ZNF407: variants seen among roughly 807,000 people sequenced by gnomAD.
The protein encoded by ZNF407 is zinc finger protein 407.
Under a neutral mutation model 131.2 loss-of-function variants are expected in ZNF407, and 17 were observed. That is an observed-to-expected ratio of 0.13 (90% CI 0.09 to 0.19). The LOEUF is 0.19. ZNF407 is among the 10% of genes least tolerant of loss of function. ZNF407 has a pLI of 1.00. For missense variants in ZNF407, 2,681 were observed against 2,830.6 expected (o/e 0.95, Z 1.20); for synonymous variants, 1,156 against 1,062.0 (o/e 1.09, Z -1.72).
At chr18:74,749,805 C>T (rs931506200) in intron 3 of ZNF407, among the ~76,000 whole-genome samples, 25 of 151,946 alleles carry the variant, frequency 1.6e-4, no homozygotes, top group Admixed American at 4.6e-4. Context: ...AATAAAACTC[C>T]AAATAATAGA....
intron 8 of ZNF407, among the ~76,000 whole-genome samples, chr18:74,923,621 A>G (rs536246284): frequency 2.6e-4 from 39 of 152,326 alleles, no homozygotes; most frequent in African/African-American, 8.7e-4. Flanking sequence ...AAAGTTTCCT[A>G]CTATAATTGT....
intron 1 of ZNF407, among the ~76,000 whole-genome samples, chr18:74,602,082 TCTC>T (rs560894772): frequency 1.3e-5 from 2 of 152,298 alleles, no homozygotes; most frequent in East Asian, 3.9e-4. Flanking sequence ...GACTAGAACA[TCTC>T]CTTATGGTAA....
intron 4 of ZNF407, among the ~76,000 whole-genome samples, chr18:74,795,463 T>C (rs1176120941): frequency 6.6e-6 from 1 of 152,218 alleles, no homozygotes; most frequent in African/African-American, 2.4e-5. Flanking sequence ...TTGGAAAAAA[T>C]CATATTAGAA....
chr18:74,677,436 C>T (rs965239150), intron 3 of ZNF407, among the ~76,000 whole-genome samples: 4 of 152,104 alleles, frequency 2.6e-5, no homozygotes, highest in African/African-American at 9.7e-5. Flanking sequence ...TGATAGAATT[C>T]CTTCTGCCCT....
At chr18:75,033,346 T>A (rs532836296) in intron 8 of ZNF407, among the ~76,000 whole-genome samples, 20 of 152,352 alleles carry the variant, frequency 1.3e-4, no homozygotes, top group Non-Finnish European at 2.9e-5. Flanking sequence ...TCCACATATA[T>A]GCTAGTGCTT....
intron 3 of ZNF407, among the ~76,000 whole-genome samples, chr18:74,755,928 C>CT (rs1169294336): frequency 3.3e-5 from 3 of 91,680 alleles, no homozygotes; most frequent in Non-Finnish European, 5.7e-5. Flanking sequence ...GAGTCTAACT[C>CT]TGTTGCCCAG....
chr18:74,688,699 A>G, intron 3 of ZNF407, among the ~76,000 whole-genome samples: 1 of 152,274 alleles, frequency 6.6e-6, no homozygotes, highest in South Asian at 2.1e-4. Flanking sequence ...ATTTTTGAAA[A>G]TGTTGTGTGA....
At chr18:74,973,343 A>G (rs967596327) in intron 8 of ZNF407, among the ~76,000 whole-genome samples, 5 of 152,332 alleles carry the variant, frequency 3.3e-5, no homozygotes, top group African/African-American at 1.2e-4. Flanking sequence ...GTCACCAAAC[A>G]TAATTTAGAG....
chr18:74,666,741 A>G (rs1413690200), intron 3 of ZNF407, among the ~76,000 whole-genome samples: 1 of 152,198 alleles, frequency 6.6e-6, no homozygotes, highest in Non-Finnish European at 1.5e-5. Context: ...TCTGTAGGTC[A>G]GAAGTCTCGG....
Position 74,634,778 on chromosome 18 carries a change from G to T in ZNF407, c.3759G>T (p.Thr1253=). The part of the protein sequence containing the change: ...VVPHRHLCPV[T]LDGERSAESP... ...CCCACAGACACCTGTGCCCTGTGAC[G>T]CTCGATGGGGAGCGCTCGGCTGAAA... is the stretch of plus-strand genomic sequence containing the variant. Residue 1253 remains threonine, a synonymous_variant, in exon 2 of 9, where the codon ACG becomes ACT. Coordinates refer to ENST00000299687, the MANE Select transcript of ZNF407 (RefSeq NM_017757.3). 1 of 1,614,032 alleles carries T rather than the reference G, an allele frequency of 6.2e-7. No homozygotes were observed. The highest frequency in any genetic ancestry group is 8.5e-7 in the Non-Finnish European group (1 of 1,179,894).
chr18:74,686,896 T>C (rs1411890520), intron 3 of ZNF407, among the ~76,000 whole-genome samples: 2 of 152,256 alleles, frequency 1.3e-5, no homozygotes, highest in African/African-American at 4.8e-5. Context: ...GGTACATAAA[T>C]GTGTAAAATG....
chr18:74,743,969 T>C (rs1467288525), intron 3 of ZNF407, among the ~76,000 whole-genome samples: 3 of 152,136 alleles, frequency 2.0e-5, no homozygotes, highest in African/African-American at 7.2e-5. Flanking sequence ...ACATAAATAC[T>C]GTATGTTAAA....
Position 74,791,627 on chromosome 18 carries a change from G to A in ZNF407, c.4877+10125G>A, listed in dbSNP as rs184174000. The stretch of plus-strand genomic sequence containing the variant: ...CTGTCTTCTAGGCCAGGGTCAGTGT[G>A]TACTTTATTTTCAAGGGTCAGATTT... On this transcript the variant is annotated intron_variant, in intron 4 of 8. Transcript: ENST00000299687. Among the ~76,000 whole-genome samples, 328 of 152,228 alleles carry A rather than the reference G, an allele frequency of 2.2e-3. 1 individual carries two copies. Among genetic ancestry groups the A allele is most frequent in the Admixed American group, 4.3e-3 (65 of 15,290 alleles).
chr18:74,652,489 A>G (rs1393795095), intron 3 of ZNF407, among the ~76,000 whole-genome samples: 1 of 152,014 alleles, frequency 6.6e-6, no homozygotes, highest in Admixed American at 6.6e-5. Flanking sequence ...GTTTTTGCTT[A>G]TTACATGAAT....
intron 8 of ZNF407, among the ~76,000 whole-genome samples, chr18:74,933,426 G>A (rs531020362): frequency 2.6e-5 from 4 of 152,298 alleles, no homozygotes; most frequent in South Asian, 2.1e-4. Context: ...ATGGGGAGTT[G>A]TGTGACCAGG....
At chr18:74,862,995 A>G (rs918604493) in intron 4 of ZNF407, among the ~76,000 whole-genome samples, 6 of 148,084 alleles carry the variant, frequency 4.1e-5, no homozygotes, top group African/African-American at 1.5e-4. Context: ...ATCTTGGCTC[A>G]TTGCAACCTC....
intron 6 of ZNF407, among the ~76,000 whole-genome samples, chr18:74,888,739 G>A (rs1971345199): frequency 2.6e-5 from 4 of 152,116 alleles, no homozygotes; most frequent in Non-Finnish European, 1.5e-5. Context: ...ATTAAAAGCC[G>A]ATAAGACTCC....
chr18:75,062,155 G>C (rs955276583), intron 8 of ZNF407: 2 of 152,376 alleles, frequency 1.3e-5, no homozygotes, highest in Non-Finnish European at 2.9e-5. Flanking sequence ...CTGGGCCCTC[G>C]CTGCTTCTGT....
At chr18:74,828,788 G>T (rs756761162) in intron 4 of ZNF407, among the ~76,000 whole-genome samples, 1 of 131,044 alleles carries the variant, frequency 7.6e-6, no homozygotes, top group Non-Finnish European at 1.8e-5. Flanking sequence ...TATCTGTGGT[G>T]AGTTATGTAA....
Sources: gnomAD v4.1 joint callset for allele counts (sites outside exome capture counted in the v4.1 genomes callset) on GRCh38, gnomAD v4.1.1 for gene constraint, MANE v1.5 for transcripts, NCBI Gene and HGNC (gene_info 2026-07-23, HGNC 2026-07-21) for gene names.